The following NAALADL2 variants were observed in gnomAD, a reference collection of about 807,000 sequenced individuals.
NAALADL2 encodes inactive N-acetylated-alpha-linked acidic dipeptidase-like protein 2.
NAALADL2 carries 76 observed loss-of-function variants against 87.2 expected under a neutral mutation model. That is an observed-to-expected ratio of 0.87 (90% CI 0.72 to 1.05). The LOEUF (loss-of-function observed/expected upper bound fraction) is 1.05. Among genes scored for constraint, NAALADL2 ranks in the 50% least tolerant of loss-of-function variants. The probability of loss-of-function intolerance (pLI) is 0.00; values close to 1 mark genes in which losing one functional copy is unlikely to be tolerated. For synonymous variants in NAALADL2, 354 were observed against 331.0 expected, an observed-to-expected ratio of 1.07 and a Z score of -0.75; for missense variants, 1,089 against 945.8, an observed-to-expected ratio of 1.15 and a Z score of -1.99.
At chr3:175,521,648 A>C (rs530769812) in intron 9 of NAALADL2, among the ~76,000 whole-genome samples, 1 of 152,296 alleles carries the variant, frequency 6.6e-6, no homozygotes, top group Non-Finnish European at 1.5e-5. Context: ...TAGTTAGAGA[A>C]ATTTTAGACA....
chr3:174,539,326 C>T (rs1722011562), intron 1 of NAALADL2, among the ~76,000 whole-genome samples: 3 of 151,980 alleles, frequency 2.0e-5, no homozygotes, highest in African/African-American at 7.2e-5. Context: ...AGATAATGTA[C>T]CAAGGAGATA....
intron 2 of NAALADL2, among the ~76,000 whole-genome samples, chr3:175,187,296 T>A (rs1385276753): frequency 2.0e-5 from 3 of 152,244 alleles, no homozygotes; most frequent in Admixed American, 6.5e-5. Context: ...AGTGAGTTCA[T>A]GACTATAGGA....
At chr3:175,740,905 G>A (rs1445022951) in intron 12 of NAALADL2, among the ~76,000 whole-genome samples, 4 of 152,056 alleles carry the variant, frequency 2.6e-5, no homozygotes, top group Non-Finnish European at 4.4e-5. Context: ...GGTCTGGATC[G>A]GGACCCCCTT....
intron 2 of NAALADL2, among the ~76,000 whole-genome samples, chr3:174,715,600 A>C (rs958874669): frequency 1.3e-5 from 2 of 152,158 alleles, no homozygotes; most frequent in Admixed American, 6.6e-5. Context: ...TGTCATTTAC[A>C]GCCAATAATC....
intron 2 of NAALADL2, among the ~76,000 whole-genome samples, chr3:175,195,473 G>A (rs1196023878): frequency 6.6e-6 from 1 of 151,764 alleles, no homozygotes; most frequent in African/African-American, 2.4e-5. Context: ...GATATGTAAA[G>A]GTAGATATAT....
intron 2 of NAALADL2, among the ~76,000 whole-genome samples, chr3:175,207,075 A>G (rs1741051478): frequency 6.6e-6 from 1 of 152,200 alleles, no homozygotes; most frequent in South Asian, 2.1e-4. Flanking sequence ...ATATTGTAAC[A>G]TAAAGACGGG....
chr3:174,530,858 G>A (rs951889147), intron 1 of NAALADL2, among the ~76,000 whole-genome samples: 4 of 152,052 alleles, frequency 2.6e-5, no homozygotes, highest in Non-Finnish European at 5.9e-5. Context: ...AAAACAAAAC[G>A]AAAAACCTAC....
chr3:174,699,818 A>AG (rs1560154169), intron 2 of NAALADL2, among the ~76,000 whole-genome samples: 3 of 144,484 alleles, frequency 2.1e-5, no homozygotes, highest in Admixed American at 7.0e-5. Flanking sequence ...GGAACATTTA[A>AG]GGCCCTCATT....
At chr3:174,792,040 C>T (rs922949341) in intron 3 of NAALADL2, among the ~76,000 whole-genome samples, 1 of 151,968 alleles carries the variant, frequency 6.6e-6, no homozygotes, top group Non-Finnish European at 1.5e-5. Flanking sequence ...GAAACTCTAT[C>T]TCTACTAAAA....
intron 2 of NAALADL2, among the ~76,000 whole-genome samples, chr3:175,231,244 T>C (rs1744892705): frequency 6.6e-6 from 1 of 152,026 alleles, no homozygotes; most frequent in South Asian, 2.1e-4. Context: ...AGGTAAGTGA[T>C]TGAATAGAGA....
chr3:175,146,096 G>C (rs974135872), intron 2 of NAALADL2, among the ~76,000 whole-genome samples: 6 of 152,066 alleles, frequency 3.9e-5, no homozygotes, highest in African/African-American at 1.4e-4. Context: ...GATTCTTACA[G>C]AATAGTAAAA....
intron 1 of NAALADL2, among the ~76,000 whole-genome samples, chr3:174,928,793 GT>G (rs141898389): frequency 7.4e-4 from 113 of 152,236 alleles, no homozygotes; most frequent in African/African-American, 2.5e-3. Flanking sequence ...GGAAAAGTGT[GT>G]ATTTCATTGG....
rs1328740706 is a variant in NAALADL2 at position 175,532,792 on chromosome 3, T to C, written c.1654-43249T>C. ...TTTAAATTTTGCAGCTGAGTGACTG[T>C]GGATCCCACTGTTAGATCTGACATG... is the stretch of plus-strand genomic sequence containing the variant. On this transcript the variant is annotated intron_variant, in intron 9 of 13. Transcript: ENST00000454872. Among the ~76,000 whole-genome samples the C allele has an allele frequency of 2.0e-5, 3 of 152,220 alleles. No homozygotes were observed. In the South Asian group the frequency reaches 6.2e-4, roughly 31 times the overall value.
intron 1 of NAALADL2, among the ~76,000 whole-genome samples, chr3:174,923,167 A>G (rs759420676): frequency 2.6e-4 from 40 of 152,266 alleles, no homozygotes; most frequent in Non-Finnish European, 7.4e-5. Context: ...TCAGAAAAAG[A>G]TGGGGGCTTA....
intron 2 of NAALADL2, among the ~76,000 whole-genome samples, chr3:174,723,755 C>CA (rs10663395): frequency 0.18 from 4,827 of 27,516 alleles, 1,916 homozygotes; most frequent in African/African-American, 0.22. Context: ...GACTCCGTCT[C>CA]AAAAAAAAAA....
At chr3:175,198,129 A>G (rs551202369) in intron 2 of NAALADL2, among the ~76,000 whole-genome samples, 14 of 152,194 alleles carry the variant, frequency 9.2e-5, no homozygotes, top group African/African-American at 3.4e-4. Flanking sequence ...ATAACAAACC[A>G]TTTTCAGAAC....
At chr3:174,937,603 G>A (rs979368510) in intron 1 of NAALADL2, among the ~76,000 whole-genome samples, 2 of 151,992 alleles carry the variant, frequency 1.3e-5, no homozygotes, top group Non-Finnish European at 2.9e-5. Flanking sequence ...TTTGTTAGCT[G>A]GAATAAAGAG....
At chr3:175,262,285 C>G (rs1751165777) in intron 4 of NAALADL2, among the ~76,000 whole-genome samples, 1 of 151,934 alleles carries the variant, frequency 6.6e-6, no homozygotes, top group Non-Finnish European at 1.5e-5. Flanking sequence ...ATTTGCTGAA[C>G]TAAAAGTTTC....
intron 1 of NAALADL2, among the ~76,000 whole-genome samples, chr3:174,996,391 G>A (rs970565418): frequency 1.3e-5 from 2 of 151,880 alleles, no homozygotes; most frequent in African/African-American, 4.8e-5. Context: ...CAGCTACTCG[G>A]GAGGCTGAGG....
Sources: allele counts gnomAD v4.1 joint callset (sites outside exome capture counted in the v4.1 genomes callset), GRCh38; gene constraint gnomAD v4.1.1; transcripts MANE v1.5; gene names NCBI Gene and HGNC (gene_info 2026-07-23, HGNC 2026-07-21).